Variants in MANSC4 observed in about 807,000 individuals in gnomAD.
The protein encoded by MANSC4 is MANSC domain containing 4, also known as MANSC domain-containing protein 4.
Under a neutral mutation model 11.4 loss-of-function variants are expected in MANSC4, and 11 were observed. The observed-to-expected ratio is 0.97, with a 90% CI of 0.61 to 1.60. The LOEUF is 1.60. MANSC4 is among the 40% of genes most tolerant of loss of function. The pLI is 0.00. For missense variants in MANSC4, 354 were observed against 404.6 expected (o/e 0.88, Z 1.07); for synonymous variants, 123 against 147.1 (o/e 0.84, Z 1.19).
In MANSC4 at chr12:27,763,134, G is replaced by T; in HGVS notation, c.627C>A (p.Ser209=). 2 of 1,551,692 alleles carry T rather than the reference G, an allele frequency of 1.3e-6. No homozygotes were observed. The highest frequency in any genetic ancestry group is 1.7e-6 in the Non-Finnish European group (2 of 1,147,004). The stretch of plus-strand genomic sequence containing the variant: ...ACACCTTATTTATCTTTGTGGTAAT[G>T]GACTCATTCAGGGAAGTAAATCTTG... ...FWARFTSLNE[S]ITTKINKVSP... The change falls in exon 4 of 4, where the codon TCC becomes TCA. Residue 209 remains serine (S), a synonymous_variant. Transcript: ENST00000381273.
chr12:27,774,916 C>T (rs747780536), intron 1 of MANSC4, among the ~76,000 whole-genome samples: 68 of 151,952 alleles, frequency 4.5e-4, no homozygotes, highest in Non-Finnish European at 8.1e-4. Flanking sequence ...CCCAGCTACT[C>T]GGGAGGCTGA....
rs768785525 is a variant in MANSC4, at chr12:27,771,038, G to A, written c.229+10C>T. Reference sequence around the variant, plus strand: ...TCTTATTTTTGCCCAAGCATATCATGAATACTTACCATCCTTCCGAAGACA... The same window carrying A: ...TCTTATTTTTGCCCAAGCATATCATAAATACTTACCATCCTTCCGAAGACA... On this transcript the variant is annotated intron_variant, in intron 2 of 3. Coordinates refer to ENST00000381273, the MANE Select transcript of MANSC4 (RefSeq NM_001146221.5). The A allele has an allele frequency of 3.9e-6, 6 of 1,543,072 alleles. No homozygotes were observed. The African/African-American group carries it at 8.3e-5, about 21-fold the overall frequency.
At chr12:27,773,782 T>C (rs536185687) in intron 1 of MANSC4, among the ~76,000 whole-genome samples, 1 of 152,338 alleles carries the variant, frequency 6.6e-6, no homozygotes, top group East Asian at 1.9e-4. Context: ...AAAGACCATA[T>C]ACTACTTTTA....
chr12:27,762,757 A>C lies in MANSC4; in HGVS notation c.1004T>G (p.Met335Arg). ...GSLQIKNRNH[M>R]KENSS ...TTTTTACTATGAAGAGTTCTCCTTC[A>C]TATGGTTACGGTTTTTAATTTGCAA... Residue 335 changes from methionine (M) to arginine (R), a missense_variant, in exon 4 of 4, where the codon ATG becomes AGG. Transcript: ENST00000381273. 1 of 1,539,830 alleles carries C rather than the reference A, an allele frequency of 6.5e-7. No individual in the cohort carries two copies. The highest frequency in any genetic ancestry group is 8.8e-7 in the Non-Finnish European group (1 of 1,142,240).
chr12:27,762,570 C>T lies in MANSC4; in HGVS notation c.*168G>A, dbSNP rs1443147622. On this transcript the variant is annotated 3_prime_UTR_variant, in exon 4 of 4. Transcript: ENST00000381273. Reference sequence around the variant, plus strand: ...CTCACTATGTTGCCCAGGCTGGTCTCGAACTCCTGGGCTCAAGCAAATCTA... The same window carrying T: ...CTCACTATGTTGCCCAGGCTGGTCTTGAACTCCTGGGCTCAAGCAAATCTA... 2.6e-5 allele frequency among the ~76,000 whole-genome samples: 4 copies of T among 151,598 alleles called. No individual in the cohort carries two copies. Among genetic ancestry groups the T allele is most frequent in the Non-Finnish European group, 4.4e-5 (3 of 67,932 alleles).
At chr12:27,763,702 C>T (rs899416712) in intron 3 of MANSC4, among the ~76,000 whole-genome samples, 4 of 151,742 alleles carry the variant, frequency 2.6e-5, no homozygotes, top group African/African-American at 9.7e-5. Flanking sequence ...GAAACAGTAA[C>T]GATTTGAGAC....
At chr12:27,768,520 C>T (rs2062084652) in intron 2 of MANSC4, among the ~76,000 whole-genome samples, 1 of 151,884 alleles carries the variant, frequency 6.6e-6, no homozygotes, top group South Asian at 2.1e-4. Flanking sequence ...AAACCTGAAG[C>T]AGATTTGTGT....
chr12:27,766,544 C>T, intron 3 of MANSC4, 121 bp downstream of exon 3: 1 of 1,171,576 alleles, frequency 8.5e-7, no homozygotes, highest in Non-Finnish European at 1.2e-6. Flanking sequence ...TTCCCAAGTT[C>T]ACTGGAAAAT....
chr12:27,771,194 A>G lies in MANSC4; in HGVS notation c.83T>C (p.Ile28Thr). Reference protein sequence around the residue: ...WTSDSLCSPTIFYRDCWIRRF... With the variant: ...WTSDSLCSPTTFYRDCWIRRF... ...ACGGATCCAGCAGTCTCTGTAAAAA[A>G]TTGTGGGTGAGCAGAGAGAGTCTGA... Residue 28 changes from isoleucine (I) to threonine (T), a missense_variant, in exon 2 of 4, where the codon ATT becomes ACT. By Grantham distance (89) the Ile-to-Thr change is moderately conservative. Transcript: ENST00000381273. 1.3e-6 allele frequency: 2 copies of G among 1,552,098 alleles called. No individual in the cohort carries two copies. Among genetic ancestry groups the G allele is most frequent in the Non-Finnish European group, 1.7e-6 (2 of 1,147,096 alleles).
chr12:27,765,436 G>C (rs960451290), intron 3 of MANSC4, among the ~76,000 whole-genome samples: 1 of 151,998 alleles, frequency 6.6e-6, no homozygotes, highest in Admixed American at 6.6e-5. Context: ...TACGATACCT[G>C]TCCCTACCTT....
chr12:27,770,056 C>G (rs181575706), intron 2 of MANSC4, among the ~76,000 whole-genome samples: 36 of 152,238 alleles, frequency 2.4e-4, no homozygotes, highest in African/African-American at 8.7e-4. Context: ...GATTTTGGGG[C>G]GGGTATTTGA....
chr12:27,763,099 G>A lies in MANSC4; in HGVS notation c.662C>T (p.Thr221Ile). ...ATTATCTGGATTGCTGATGAAATCA[G>A]TACTTGGTGACACCTTATTTATCTT... ...TTKINKVSPS[T>I]DFISNPDNKT... The change falls in exon 4 of 4, where the codon ACT (threonine) becomes ATT (isoleucine). Residue 221 changes from threonine to isoleucine, a missense_variant. Thr to Ile is a moderately conservative substitution (Grantham distance 89). Transcript: ENST00000381273. The A allele has an allele frequency of 6.4e-7, 1 of 1,551,738 alleles. No individual in the cohort carries two copies. Among genetic ancestry groups the A allele is most frequent in the Non-Finnish European group, 8.7e-7 (1 of 1,147,014 alleles).
intron 1 of MANSC4, among the ~76,000 whole-genome samples, chr12:27,771,850 T>G (rs2062102105): frequency 6.6e-6 from 1 of 152,164 alleles, no homozygotes; most frequent in South Asian, 2.1e-4. Context: ...AAAAATAATT[T>G]TTTTGCACTG....
chr12:27,769,507 T>C (rs1206018271), intron 2 of MANSC4, among the ~76,000 whole-genome samples: 1 of 152,204 alleles, frequency 6.6e-6, no homozygotes, highest in African/African-American at 2.4e-5. Flanking sequence ...GGCCAGAGCT[T>C]CTCTGCTGTG....
intron 2 of MANSC4, among the ~76,000 whole-genome samples, chr12:27,769,617 A>G (rs565984957): frequency 6.6e-6 from 1 of 152,370 alleles, no homozygotes; most frequent in African/African-American, 2.4e-5. Flanking sequence ...AGCATCTGGA[A>G]GGTGGAAATC....
In MANSC4 at chr12:27,766,815, G is replaced by A. The variant is rs1361359429; in HGVS notation, c.230-16C>T. ...TTACAGGAAACTGAAAGGGAAACAA[G>A]CGAAGTACATCTGCAGATGGTCTCA... On this transcript the variant is annotated splice_polypyrimidine_tract_variant and intron_variant, in intron 2 of 3. Coordinates refer to ENST00000381273, the MANE Select transcript of MANSC4 (RefSeq NM_001146221.5). 20 of 1,549,720 alleles carry A rather than the reference G, an allele frequency of 1.3e-5. No homozygotes were observed. The highest frequency in any genetic ancestry group is 1.7e-5 in the Non-Finnish European group (19 of 1,146,412).
intron 2 of MANSC4, 104 bp downstream of exon 2, chr12:27,770,944 G>A (rs186233813): frequency 1.2e-6 from 1 of 823,878 alleles, no homozygotes; most frequent in Non-Finnish European, 1.9e-6. Flanking sequence ...ATCTTCTCTA[G>A]TTCTTTACAA....
intron 2 of MANSC4, 116 bp downstream of exon 2, chr12:27,770,932 G>T (rs2062097586): frequency 2.8e-6 from 2 of 723,154 alleles, no homozygotes; most frequent in Middle Eastern, 2.8e-4. Flanking sequence ...ACACCCTAGG[G>T]CATCTTCTCT....
rs2062057200 is a variant in MANSC4, at chr12:27,763,377, C to T, written c.384G>A (p.Leu128=). ...GATATGTGGGAGATTGTTCAAAAAC[C>T]AGCAAATCCGGATCTATACCTGAAA... is the stretch of plus-strand genomic sequence containing the variant. The part of the protein sequence containing the change: ...NITDGIDPDL[L]VFEQSPTYLN... The change falls in exon 4 of 4, where the codon CTG becomes CTA. Residue 128 remains leucine (L), a synonymous_variant. Coordinates refer to ENST00000381273, the MANE Select transcript of MANSC4 (RefSeq NM_001146221.5). 1.9e-6 allele frequency: 3 copies of T among 1,547,534 alleles called. No homozygotes were observed. Among genetic ancestry groups the T allele is most frequent in the African/African-American group, 1.4e-5 (1 of 73,010 alleles).
Sources: gnomAD v4.1 joint callset for allele counts (sites outside exome capture counted in the v4.1 genomes callset) on GRCh38, gnomAD v4.1.1 for gene constraint, MANE v1.5 for transcripts, NCBI Gene and HGNC (gene_info 2026-07-23, HGNC 2026-07-21) for gene names.